The following SLC1A1 variants were observed in gnomAD, a reference collection of about 807,000 sequenced individuals.
SLC1A1 encodes the protein excitatory amino acid transporter 3.
SLC1A1 carries 43 observed loss-of-function variants against 53.3 expected under a neutral mutation model. That is an observed-to-expected ratio of 0.81 (90% CI 0.63 to 1.04). The LOEUF (loss-of-function observed/expected upper bound fraction) is 1.04. Ranked by LOEUF, SLC1A1 falls within the 50% of genes least tolerant of loss-of-function variation. The pLI is 0.00. For missense variants in SLC1A1, 748 were observed against 664.9 expected (o/e 1.12, Z -1.37); for synonymous variants, 307 against 243.2 (o/e 1.26, Z -2.44).
intron 2 of SLC1A1, among the ~76,000 whole-genome samples, chr9:4,548,942 T>A (rs1817703572): frequency 6.6e-6 from 1 of 152,218 alleles, no homozygotes; most frequent in South Asian, 2.1e-4. Flanking sequence ...TGCTAACATT[T>A]AGGCTTGTAA....
At position 4,509,929 on chromosome 9, in the gene SLC1A1, G is replaced by A. The variant is rs540520977; in HGVS notation, c.91+19159G>A. On this transcript the variant is annotated intron_variant, in intron 1 of 11. Coordinates refer to ENST00000262352, the MANE Select transcript of SLC1A1 (RefSeq NM_004170.6). ...GCTCACTGCAACCTCTGCCTCCCAG[G>A]TTCAAGCAATTCTCTTGCCTCGGCC... Among the ~76,000 whole-genome samples, 4 of 152,292 alleles carry A rather than the reference G, an allele frequency of 2.6e-5. No homozygotes were observed. The South Asian group carries it at 8.3e-4, about 32-fold the overall frequency.
intron 1 of SLC1A1, among the ~76,000 whole-genome samples, chr9:4,500,111 G>T (rs1045179698): frequency 6.6e-6 from 1 of 152,158 alleles, no homozygotes; most frequent in African/African-American, 2.4e-5. Context: ...TGACACACTG[G>T]CCTGGTGCCA....
At chr9:4,576,854 G>A in intron 10 of SLC1A1, 91 bp downstream of exon 10, 3 of 1,085,298 alleles carry the variant, frequency 2.8e-6, no homozygotes, top group Non-Finnish European at 4.3e-6. Flanking sequence ...GAATGTCGCA[G>A]TGATGAATTC....
intron 6 of SLC1A1, among the ~76,000 whole-genome samples, chr9:4,571,799 C>T (rs1820082197): frequency 6.6e-6 from 1 of 152,182 alleles, no homozygotes; most frequent in South Asian, 2.1e-4. Context: ...TAAAAGTGTT[C>T]ACACTGGTAA....
In SLC1A1 at chr9:4,505,735, C is replaced by T. The variant is rs572799950; in HGVS notation, c.91+14965C>T. Among the ~76,000 whole-genome samples, 63 of 152,334 alleles carry T rather than the reference C, an allele frequency of 4.1e-4. 1 individual carries two copies. The highest frequency in any genetic ancestry group is 5.9e-4 in the Admixed American group (9 of 15,298). On this transcript the variant is annotated intron_variant, in intron 1 of 11. Transcript: ENST00000262352. ...GCAGTGGCATGATCTTGGCTCACTTCAACCTTCACCTCCTGGGTTCAAGCA... is the reference window on the plus strand; with the variant it reads ...GCAGTGGCATGATCTTGGCTCACTTTAACCTTCACCTCCTGGGTTCAAGCA...
At position 4,490,586 on chromosome 9, in the gene SLC1A1, C is replaced by A; in HGVS notation, c.-94C>A. The A allele has an allele frequency of 1.0e-6, 1 of 983,294 alleles. No homozygotes were observed. Among genetic ancestry groups the A allele is most frequent in the Non-Finnish European group, 1.6e-6 (1 of 634,320 alleles). The allele number at this position is 983,294 out of a possible 1,614,324, so 60.9% of individuals were successfully genotyped here. ...GGCTCTCACCTCTCCCCTGTGCACC[C>A]GCATCTCGCCGCGCCGCCGAGCAGC... On this transcript the variant is annotated 5_prime_UTR_variant, in exon 1 of 12. Coordinates refer to ENST00000262352, the MANE Select transcript of SLC1A1 (RefSeq NM_004170.6).
At chr9:4,563,177 G>T (rs1819142088) in intron 3 of SLC1A1, among the ~76,000 whole-genome samples, 2 of 152,006 alleles carry the variant, frequency 1.3e-5, no homozygotes, top group African/African-American at 4.8e-5. Flanking sequence ...CCCAGAGGGG[G>T]AAGACAGAAG....
chr9:4,522,916 C>T (rs1816132759), intron 1 of SLC1A1, among the ~76,000 whole-genome samples: 1 of 152,162 alleles, frequency 6.6e-6, no homozygotes, highest in South Asian at 2.1e-4. Context: ...CACTGCCAAA[C>T]CATATCACCA....
In SLC1A1 at chr9:4,537,382, A is replaced by C. The variant is rs1233149337; in HGVS notation, c.92-7185A>C. Among the ~76,000 whole-genome samples the C allele has an allele frequency of 3.6e-5, 2 of 55,358 alleles. 1 individual carries two copies. Among genetic ancestry groups the C allele is most frequent in the East Asian group, 5.2e-4 (2 of 3,854 alleles). 36.3% of individuals were successfully genotyped at this position (55,358 alleles called of 152,430 possible). On this transcript the variant is annotated intron_variant, in intron 1 of 11. Transcript: ENST00000262352. ...AGACCATCCTGGCTAACAAGGTGAA[A>C]CCCCGTCTCTACTAAAAATACAAAA... is the stretch of plus-strand genomic sequence containing the variant.
At chr9:4,531,155 C>A (rs1048298425) in intron 1 of SLC1A1, among the ~76,000 whole-genome samples, 1 of 152,174 alleles carries the variant, frequency 6.6e-6, no homozygotes, top group African/African-American at 2.4e-5. Flanking sequence ...GTGATTTCTG[C>A]ATTTCCAACT....
In SLC1A1 at chr9:4,503,361, G is replaced by C. The variant is rs796559691; in HGVS notation, c.91+12591G>C. 2.6e-4 allele frequency among the ~76,000 whole-genome samples: 39 copies of C among 152,008 alleles called. 3 individuals are homozygous for C. The highest frequency in any genetic ancestry group is 8.7e-4 in the African/African-American group (36 of 41,250). The stretch of plus-strand genomic sequence containing the variant: ...CAATTAGGAACTGAATTTAAATTGA[G>C]CAAGTACTGATGTTACTGATAAGAG... On this transcript the variant is annotated intron_variant, in intron 1 of 11. Coordinates refer to ENST00000262352, the MANE Select transcript of SLC1A1 (RefSeq NM_004170.6).
At chr9:4,495,292 T>G (rs1426638793) in intron 1 of SLC1A1, among the ~76,000 whole-genome samples, 1 of 152,190 alleles carries the variant, frequency 6.6e-6, no homozygotes, top group Non-Finnish European at 1.5e-5. Context: ...AATCAACACT[T>G]AAGCCATTCA....
Position 4,502,755 on chromosome 9 carries a change from C to G in SLC1A1, c.91+11985C>G, listed in dbSNP as rs972472385. 2.0e-4 allele frequency among the ~76,000 whole-genome samples: 30 copies of G among 151,754 alleles called. 2 individuals are homozygous for G. The highest frequency in any genetic ancestry group is 6.8e-4 in the African/African-American group (28 of 41,038). The stretch of plus-strand genomic sequence containing the variant: ...CTAGTAAACCTTGATACACCTACAC[C>G]TAATTGGTAGTTAGAACCATACTTG... On this transcript the variant is annotated intron_variant, in intron 1 of 11. Coordinates refer to ENST00000262352, the MANE Select transcript of SLC1A1 (RefSeq NM_004170.6).
rs528394942 is a variant in SLC1A1 at position 4,495,096 on chromosome 9, G to A, written c.91+4326G>A. Among the ~76,000 whole-genome samples, 3 of 152,232 alleles carry A rather than the reference G, an allele frequency of 2.0e-5. No individual in the cohort carries two copies. In the South Asian group the frequency reaches 6.2e-4, roughly 32 times the overall value. On this transcript the variant is annotated intron_variant, in intron 1 of 11. Transcript: ENST00000262352. Reference sequence around the variant, plus strand: ...TAGCAATACCCTTGCCCAGCCTCGTGTCTCTACCCTGGAGCTCATGTAGCG... The same window carrying A: ...TAGCAATACCCTTGCCCAGCCTCGTATCTCTACCCTGGAGCTCATGTAGCG...
rs762192881 is a variant in SLC1A1 at position 4,556,753 on chromosome 9, C to T, written c.233-4696C>T. On this transcript the variant is annotated intron_variant, in intron 2 of 11. Coordinates refer to ENST00000262352, the MANE Select transcript of SLC1A1 (RefSeq NM_004170.6). This position sits in a 1 kb window ranked among gnomAD's most constrained non-coding sequence, Gnocchi z 4.1. ...CAAGACAATATCGTCCCCAAGGCAGCAAAAGCTGTTTTTATTTGGTGGTGG... is the reference window on the plus strand; with the variant it reads ...CAAGACAATATCGTCCCCAAGGCAGTAAAAGCTGTTTTTATTTGGTGGTGG... Among the ~76,000 whole-genome samples the T allele has an allele frequency of 6.6e-6, 1 of 152,142 alleles. No individual in the cohort carries two copies. The highest frequency in any genetic ancestry group is 2.4e-5 in the African/African-American group (1 of 41,420).
In SLC1A1 at chr9:4,546,996, C is replaced by G. The variant is rs10974617; in HGVS notation, c.232+2289C>G. Reference sequence around the variant, plus strand: ...GTATAGAAGATTGATCCAAATTATGCAGCAAACCCAAAACTCGAGGTAAAA... The same window carrying G: ...GTATAGAAGATTGATCCAAATTATGGAGCAAACCCAAAACTCGAGGTAAAA... On this transcript the variant is annotated intron_variant, in intron 2 of 11. Transcript: ENST00000262352. Among the ~76,000 whole-genome samples the G allele has an allele frequency of 1.2e-4, 18 of 152,308 alleles. No individual in the cohort carries two copies. The East Asian group carries it at 3.5e-3, about 29-fold the overall frequency.
chr9:4,490,577 C>G lies in SLC1A1; in HGVS notation c.-103C>G. 1.1e-6 allele frequency: 1 copy of G among 897,342 alleles called. No homozygotes were observed. The highest frequency in any genetic ancestry group is 1.7e-5 in the African/African-American group (1 of 59,398). The allele number at this position is 897,342 out of a possible 1,614,324, so 55.6% of individuals were successfully genotyped here. On this transcript the variant is annotated 5_prime_UTR_variant, in exon 1 of 12. Coordinates refer to ENST00000262352, the MANE Select transcript of SLC1A1 (RefSeq NM_004170.6). ...GCAGCGGCCGGCTCTCACCTCTCCC[C>G]TGTGCACCCGCATCTCGCCGCGCCG... is the stretch of plus-strand genomic sequence containing the variant.
At chr9:4,569,524 G>C (rs377601782) in intron 6 of SLC1A1, among the ~76,000 whole-genome samples, 3 of 152,314 alleles carry the variant, frequency 2.0e-5, no homozygotes, top group Non-Finnish European at 2.9e-5. Context: ...GTGTGGGCCT[G>C]CATTGGTACC....
intron 1 of SLC1A1, 41 bp from the exon 2 acceptor site, chr9:4,544,526 T>C (rs1385799821): frequency 1.3e-6 from 2 of 1,599,350 alleles, no homozygotes; most frequent in Non-Finnish European, 8.6e-7. Flanking sequence ...GAGAACTCAA[T>C]AATGTTCCTC....
Sources: allele counts gnomAD v4.1 joint callset (sites outside exome capture counted in the v4.1 genomes callset), GRCh38; gene constraint gnomAD v4.1.1; non-coding constraint Gnocchi (gnomAD v3.1); transcripts MANE v1.5; gene names NCBI Gene and HGNC (gene_info 2026-07-23, HGNC 2026-07-21).